Variants in DLG2 observed in about 807,000 individuals in gnomAD.
DLG2 encodes the protein disks large homolog 2.
DLG2 carries 45 observed loss-of-function variants against 132.5 expected under a neutral mutation model. The ratio of observed to expected loss-of-function variants is 0.34; its 90% CI spans 0.27 to 0.44. The LOEUF (loss-of-function observed/expected upper bound fraction) is 0.44. DLG2 is among the 20% of genes least tolerant of loss of function. The pLI is 1.00. For synonymous variants in DLG2, 424 were observed against 419.6 expected, an observed-to-expected ratio of 1.01 and a Z score of -0.13; for missense variants, 1,045 against 1,196.9, an observed-to-expected ratio of 0.87 and a Z score of 1.87.
At chr11:83,479,822 C>T (rs1591540448) in intron 22 of DLG2, among the ~76,000 whole-genome samples, 1 of 151,932 alleles carries the variant, frequency 6.6e-6, no homozygotes, top group East Asian at 1.9e-4. Context: ...CCATCAGTTC[C>T]CCAATTATCA....
chr11:85,387,754 C>A (rs1322614831), intron 3 of DLG2, among the ~76,000 whole-genome samples: 2 of 152,126 alleles, frequency 1.3e-5, no homozygotes, highest in Admixed American at 6.5e-5. Flanking sequence ...GTCAATATAT[C>A]TAAAATGATA....
At chr11:84,663,921 A>T (rs965348712) in intron 6 of DLG2, among the ~76,000 whole-genome samples, 1 of 152,154 alleles carries the variant, frequency 6.6e-6, no homozygotes, top group African/African-American at 2.4e-5. Flanking sequence ...TTGTCTCCAG[A>T]TCTGGTGCCC....
At chr11:85,378,546 T>C (rs1032330544) in intron 3 of DLG2, among the ~76,000 whole-genome samples, 1 of 152,096 alleles carries the variant, frequency 6.6e-6, no homozygotes, top group African/African-American at 2.4e-5. Context: ...TAATCATCCT[T>C]AGCTGTTAAA....
At chr11:83,466,963 T>G in intron 25 of DLG2, 146 bp from the exon 26 acceptor site, 1 of 579,944 alleles carries the variant, frequency 1.7e-6, no homozygotes, top group Non-Finnish European at 3.1e-6. Flanking sequence ...AAAGAGTAAA[T>G]AAAAATCGAT....
chr11:83,668,640 TAC>T (rs1290229331), intron 18 of DLG2, among the ~76,000 whole-genome samples: 1 of 151,596 alleles, frequency 6.6e-6, no homozygotes, highest in Admixed American at 6.6e-5. Context: ...CATGTATATA[TAC>T]ACACATGTGT....
At chr11:85,206,812 G>A (rs775984611) in intron 4 of DLG2, among the ~76,000 whole-genome samples, 12 of 151,978 alleles carry the variant, frequency 7.9e-5, no homozygotes, top group Admixed American at 1.3e-4. Context: ...CAGCCTGGGT[G>A]ACAAGAGCAA....
At chr11:83,847,235 C>G (rs1476413535) in intron 16 of DLG2, among the ~76,000 whole-genome samples, 1 of 152,076 alleles carries the variant, frequency 6.6e-6, no homozygotes, top group Non-Finnish European at 1.5e-5. Flanking sequence ...GCTCTCATGA[C>G]TGGTGAAATA....
At chr11:85,274,278 C>T (rs1382839041) in intron 4 of DLG2, among the ~76,000 whole-genome samples, 2 of 152,056 alleles carry the variant, frequency 1.3e-5, no homozygotes, top group African/African-American at 4.8e-5. Flanking sequence ...TTAGGTCGAG[C>T]AGTGCAAGGA....
At chr11:83,848,571 A>G (rs546350156) in intron 16 of DLG2, among the ~76,000 whole-genome samples, 1 of 152,224 alleles carries the variant, frequency 6.6e-6, no homozygotes, top group Non-Finnish European at 1.5e-5. Context: ...AGTACTTCCA[A>G]TCATCCAACA....
intron 6 of DLG2, among the ~76,000 whole-genome samples, chr11:84,670,933 T>G (rs2099705166): frequency 6.6e-6 from 1 of 152,130 alleles, no homozygotes; most frequent in South Asian, 2.1e-4. Flanking sequence ...AGTTTCATGT[T>G]TTGAATTAAT....
intron 18 of DLG2, among the ~76,000 whole-genome samples, chr11:83,672,110 T>A (rs536847465): frequency 3.3e-4 from 50 of 152,224 alleles, no homozygotes; most frequent in African/African-American, 1.2e-3. Flanking sequence ...TGTAGAAACA[T>A]TGAGGCCTTC....
At chr11:85,419,472 C>A (rs1038272776) in intron 3 of DLG2, among the ~76,000 whole-genome samples, 1 of 152,146 alleles carries the variant, frequency 6.6e-6, no homozygotes, top group Non-Finnish European at 1.5e-5. Context: ...TGTTGGCCTA[C>A]CTTTCTAGGT....
intron 6 of DLG2, among the ~76,000 whole-genome samples, chr11:85,085,973 T>C (rs1215708616): frequency 6.6e-6 from 1 of 152,192 alleles, no homozygotes; most frequent in African/African-American, 2.4e-5. Flanking sequence ...AGGTTGTAAT[T>C]AAAACAAATA....
intron 7 of DLG2, among the ~76,000 whole-genome samples, chr11:84,445,564 T>G (rs1005515688): frequency 6.6e-6 from 1 of 152,196 alleles, no homozygotes; most frequent in African/African-American, 2.4e-5. Flanking sequence ...AATATTTTCT[T>G]TTTTAAAAAA....
At chr11:83,734,252 C>T (rs961752712) in intron 18 of DLG2, among the ~76,000 whole-genome samples, 5 of 152,110 alleles carry the variant, frequency 3.3e-5, no homozygotes, top group African/African-American at 1.2e-4. Flanking sequence ...ATCTGAGTAA[C>T]CTTCTTTAAA....
intron 6 of DLG2, among the ~76,000 whole-genome samples, chr11:84,763,044 A>T (rs1045055565): frequency 6.6e-6 from 1 of 152,192 alleles, no homozygotes; most frequent in Admixed American, 6.5e-5. Context: ...TATTCTCCCC[A>T]TTATGACTTG....
intron 21 of DLG2, among the ~76,000 whole-genome samples, chr11:83,518,118 G>T (rs944471648): frequency 6.6e-6 from 1 of 152,244 alleles, no homozygotes; most frequent in Non-Finnish European, 1.5e-5. Context: ...TGCCCCCAGA[G>T]GTGGAGTCTA....
At chr11:83,994,382 A>T (rs1291439042) in intron 11 of DLG2, among the ~76,000 whole-genome samples, 1 of 152,082 alleles carries the variant, frequency 6.6e-6, no homozygotes, top group African/African-American at 2.4e-5. Context: ...GACAAAGTAG[A>T]TACTTGAAAA....
At chr11:85,126,188 C>T (rs1007879875) in intron 5 of DLG2, among the ~76,000 whole-genome samples, 2 of 152,076 alleles carry the variant, frequency 1.3e-5, no homozygotes, top group Non-Finnish European at 2.9e-5. Context: ...GAAGGTAACA[C>T]AGATTTAAAA....
Sources: allele counts gnomAD v4.1 joint callset (sites outside exome capture counted in the v4.1 genomes callset), GRCh38; gene constraint gnomAD v4.1.1; transcripts MANE v1.5; gene names NCBI Gene and HGNC (gene_info 2026-07-23, HGNC 2026-07-21).